ADAMTS6: variants seen among roughly 807,000 people sequenced by gnomAD.
The protein encoded by ADAMTS6 is ADAM metallopeptidase with thrombospondin type 1 motif 6, also known as A disintegrin and metalloproteinase with thrombospondin motifs 6.
A neutral mutation model predicts 144.3 loss-of-function variants in ADAMTS6; 23 were observed. That is an observed-to-expected ratio of 0.16 (90% confidence interval 0.11 to 0.23). The LOEUF (loss-of-function observed/expected upper bound fraction) is 0.23. Ranked by LOEUF, ADAMTS6 falls within the 10% of genes least tolerant of loss-of-function variation. The pLI, the probability that ADAMTS6 is intolerant of heterozygous loss-of-function variation, is 1.00. For missense variants in ADAMTS6, 999 were observed against 1,379.6 expected (o/e 0.72, Z 4.37); for synonymous variants, 444 against 457.5 (o/e 0.97, Z 0.38).
chr5:65,358,489 C>A (rs188340823), intron 7 of ADAMTS6, among the ~76,000 whole-genome samples: 2 of 152,154 alleles, frequency 1.3e-5, no homozygotes, highest in Non-Finnish European at 2.9e-5. Context: ...CCTTACCAAA[C>A]TTCCAATGAC....
intron 24 of ADAMTS6, among the ~76,000 whole-genome samples, chr5:65,168,949 C>T (rs1190790756): frequency 3.0e-4 from 44 of 145,218 alleles, no homozygotes; most frequent in African/African-American, 1.0e-3. Context: ...AAAACCTAGG[C>T]GTTACCATTC....
intron 11 of ADAMTS6, among the ~76,000 whole-genome samples, chr5:65,280,461 GA>G (rs1249301305): frequency 6.6e-6 from 1 of 152,094 alleles, no homozygotes; most frequent in Non-Finnish European, 1.5e-5. Context: ...CCACCATGTT[GA>G]ATTATAAAAA....
rs566947411 is a variant in ADAMTS6, at chr5:65,253,203, T to G, written c.1830+7397A>C. Among the ~76,000 whole-genome samples the G allele has an allele frequency of 3.3e-5, 5 of 152,338 alleles. No individual in the cohort carries two copies. The South Asian group carries it at 8.3e-4, about 25-fold the overall frequency. On this transcript the variant is annotated intron_variant, in intron 14 of 24. Transcript: ENST00000381055. ...CATGGTACCCAGCCAATTTTCTATT[T>G]TCTATTGTAACTTACACTTTGAGCA...
intron 20 of ADAMTS6, among the ~76,000 whole-genome samples, chr5:65,203,588 AG>A (rs1755882844): frequency 6.6e-6 from 1 of 152,200 alleles, no homozygotes; most frequent in South Asian, 2.1e-4. Context: ...ATCCCTTTCT[AG>A]GAACCAAATC....
intron 8 of ADAMTS6, among the ~76,000 whole-genome samples, chr5:65,330,529 ATATT>A (rs1299075461): frequency 2.6e-5 from 4 of 152,088 alleles, no homozygotes; most frequent in Non-Finnish European, 5.9e-5. Context: ...AATTCAATGA[ATATT>A]TATTGAATAC....
At chr5:65,227,000 G>C (rs1410322111) in intron 15 of ADAMTS6, among the ~76,000 whole-genome samples, 1 of 152,170 alleles carries the variant, frequency 6.6e-6, no homozygotes, top group East Asian at 1.9e-4. Flanking sequence ...ATCAAGCAAG[G>C]ATATGGTAGT....
chr5:65,170,383 T>C (rs1325714834), intron 24 of ADAMTS6, among the ~76,000 whole-genome samples: 1 of 152,212 alleles, frequency 6.6e-6, no homozygotes, highest in Non-Finnish European at 1.5e-5. Context: ...CAATTTCTTA[T>C]TTTATAGATA....
intron 7 of ADAMTS6, among the ~76,000 whole-genome samples, chr5:65,437,667 T>TA (rs1485442338): frequency 6.6e-6 from 1 of 152,220 alleles, no homozygotes; most frequent in Non-Finnish European, 1.5e-5. Context: ...CAGTCTGATA[T>TA]AAAAGAGTAT....
intron 11 of ADAMTS6, 27 bp downstream of exon 11, chr5:65,291,302 C>T (rs201433569): frequency 5.2e-5 from 82 of 1,591,422 alleles, no homozygotes; most frequent in Middle Eastern, 3.4e-4. Flanking sequence ...GTATAAATGA[C>T]GAAACATAAG....
At chr5:65,344,170 G>A (rs1471169458) in intron 7 of ADAMTS6, among the ~76,000 whole-genome samples, 1 of 151,822 alleles carries the variant, frequency 6.6e-6, no homozygotes, top group African/African-American at 2.4e-5. Flanking sequence ...TAGCTAACAA[G>A]AGCTCAGTTA....
rs773870792 is a variant in ADAMTS6 at position 65,214,931 on chromosome 5, A to G, written c.2438T>C (p.Val813Ala). ...TCCCAAATTCTGTTCTTGAAGCAGA[A>G]CCTGCCATTGAAAACAACTGGTGAA... ...GPTSENLIVM[V>A]LLQEQNLGIR... The change falls in exon 20 of 25, where the codon GTT becomes GCT. Residue 813 changes from valine to alanine, a missense_variant and splice_region_variant. Physicochemically the swap from Val to Ala is moderately conservative, Grantham distance 64. Around this residue, in one of 3 missense-constraint regions of ADAMTS6, gnomAD observed 619 missense variants for 837.0 expected, o/e 0.74. Transcript: ENST00000381055. The surrounding 1 kb of genome is among the most constrained non-coding windows in gnomAD (Gnocchi z 4.6). The G allele has an allele frequency of 6.2e-7, 1 of 1,611,752 alleles. No individual in the cohort carries two copies. Among genetic ancestry groups the G allele is most frequent in the Non-Finnish European group, 8.5e-7 (1 of 1,179,102 alleles).
chr5:65,394,172 A>G (rs552068918), intron 7 of ADAMTS6, among the ~76,000 whole-genome samples: 5 of 152,168 alleles, frequency 3.3e-5, no homozygotes, highest in Non-Finnish European at 7.3e-5. Flanking sequence ...GTCTTACATC[A>G]CAGTCCAGTT....
chr5:65,409,927 G>GT (rs1424784532), intron 7 of ADAMTS6, among the ~76,000 whole-genome samples: 3 of 152,130 alleles, frequency 2.0e-5, no homozygotes, highest in African/African-American at 4.8e-5. Flanking sequence ...TGCAGACTTA[G>GT]TTTTTTATCA....
At chr5:65,210,828 G>A (rs1358194304) in intron 20 of ADAMTS6, 1 of 437,804 alleles carries the variant, frequency 2.3e-6, no homozygotes, top group South Asian at 3.4e-5. Context: ...CAGACATGAT[G>A]GGGAAGATGT....
At chr5:65,312,161 GATTA>G (rs1744555117) in intron 9 of ADAMTS6, among the ~76,000 whole-genome samples, 2 of 151,904 alleles carry the variant, frequency 1.3e-5, no homozygotes, top group African/African-American at 2.4e-5. Context: ...TGTTTAATAT[GATTA>G]ATTTTTTCTT....
At chr5:65,308,860 G>C (rs542521651) in intron 9 of ADAMTS6, among the ~76,000 whole-genome samples, 1 of 152,188 alleles carries the variant, frequency 6.6e-6, no homozygotes, top group Non-Finnish European at 1.5e-5. Flanking sequence ...GTCAGAAAGG[G>C]CCAAAATCAT....
intron 13 of ADAMTS6, among the ~76,000 whole-genome samples, chr5:65,262,013 T>C (rs1288738535): frequency 6.6e-6 from 1 of 151,428 alleles, no homozygotes; most frequent in East Asian, 1.9e-4. Context: ...GGAAAGAAGG[T>C]CCTCAACCAG....
intron 7 of ADAMTS6, among the ~76,000 whole-genome samples, chr5:65,398,127 T>C (rs1018840793): frequency 2.0e-5 from 3 of 152,212 alleles, no homozygotes; most frequent in Admixed American, 6.5e-5. Context: ...AGTCTACAGA[T>C]ATCAATCATA....
chr5:65,466,764 C>T lies in ADAMTS6; in HGVS notation c.462+4014G>A, dbSNP rs376488479. On this transcript the variant is annotated intron_variant, in intron 3 of 24. Transcript: ENST00000381055. ...TTCATGAAATAAGAACAGAATAGGC[C>T]GGGCGCGGTGGCTCACGCCTGTAAT... Among the ~76,000 whole-genome samples the T allele has an allele frequency of 1.1e-4, 17 of 152,234 alleles. No homozygotes were observed. The South Asian group carries it at 2.9e-3, about 26-fold the overall frequency.
Sources: allele counts gnomAD v4.1 joint callset (sites outside exome capture counted in the v4.1 genomes callset), GRCh38; gene constraint gnomAD v4.1.1; regional missense constraint gnomAD v4.1.1; non-coding constraint Gnocchi (gnomAD v3.1); transcripts MANE v1.5; gene names NCBI Gene and HGNC (gene_info 2026-07-23, HGNC 2026-07-21).